TTLL11: variants seen among roughly 807,000 people sequenced by gnomAD.
TTLL11 encodes tubulin tyrosine ligase like 11.
In TTLL11, 42 loss-of-function variants were observed where a neutral mutation model predicts 51.7. The ratio of observed to expected loss-of-function variants is 0.81; its 90% CI spans 0.64 to 1.05. TTLL11 has a LOEUF of 1.05. TTLL11 is among the 50% of genes least tolerant of loss of function. TTLL11 has a pLI of 0.00. For synonymous variants in TTLL11, 381 were observed against 383.5 expected (o/e 0.99, Z 0.08); for missense variants, 799 against 940.4 (o/e 0.85, Z 1.97).
intron 6 of TTLL11, among the ~76,000 whole-genome samples, chr9:121,901,407 CT>C (rs1049694962): frequency 6.6e-6 from 1 of 152,024 alleles, no homozygotes; most frequent in African/African-American, 2.4e-5. Flanking sequence ...GTGTTCCAGG[CT>C]TAAAGTTCAT....
chr9:122,074,183 A>G (rs1588259288), intron 1 of TTLL11, among the ~76,000 whole-genome samples: 1 of 151,946 alleles, frequency 6.6e-6, no homozygotes, highest in South Asian at 2.1e-4. Flanking sequence ...CTGAGGCAGG[A>G]GAATTGCTTG....
chr9:121,962,808 G>A (rs1380238458), intron 6 of TTLL11, among the ~76,000 whole-genome samples: 3 of 152,104 alleles, frequency 2.0e-5, no homozygotes, highest in African/African-American at 7.2e-5. Flanking sequence ...TAAAGTCACC[G>A]CCTCACTGAC....
chr9:121,946,877 T>C (rs1369534203), intron 6 of TTLL11, among the ~76,000 whole-genome samples: 2 of 152,138 alleles, frequency 1.3e-5, no homozygotes, highest in African/African-American at 2.4e-5. Context: ...TTCTGGGATT[T>C]TCCAGGGTCC....
intron 3 of TTLL11, among the ~76,000 whole-genome samples, chr9:121,990,563 G>T (rs1479258284): frequency 6.6e-6 from 1 of 152,078 alleles, no homozygotes; most frequent in African/African-American, 2.4e-5. Flanking sequence ...ACCATGTCTT[G>T]GTTTCCTCAC....
chr9:122,018,038 C>T (rs12347249), intron 3 of TTLL11, among the ~76,000 whole-genome samples: 6,633 of 151,848 alleles, frequency 0.044, 173 homozygotes, highest in African/African-American at 0.073. Context: ...CTTTCACATG[C>T]CTATACTAAT....
chr9:122,076,395 G>A (rs1372553781), intron 1 of TTLL11, among the ~76,000 whole-genome samples: 2 of 152,194 alleles, frequency 1.3e-5, no homozygotes, highest in African/African-American at 2.4e-5. Flanking sequence ...ACCAAGCCAG[G>A]CCCTCTGAAA....
At chr9:121,973,464 G>C (rs557980734) in intron 6 of TTLL11, among the ~76,000 whole-genome samples, 6 of 152,300 alleles carry the variant, frequency 3.9e-5, no homozygotes, top group Admixed American at 1.3e-4. Flanking sequence ...GCAAGTGGGA[G>C]GCCTGGCCTT....
intron 6 of TTLL11, among the ~76,000 whole-genome samples, chr9:121,948,437 C>T (rs1027889336): frequency 2.6e-5 from 4 of 152,154 alleles, no homozygotes; most frequent in Admixed American, 6.5e-5. Flanking sequence ...ATTATAGAAA[C>T]GATTTGTAGG....
At chr9:121,866,940 C>T (rs961685642) in intron 7 of TTLL11, among the ~76,000 whole-genome samples, 1 of 152,106 alleles carries the variant, frequency 6.6e-6, no homozygotes, top group African/African-American at 2.4e-5. Context: ...GTCACAAAAC[C>T]TGGGTTTTCA....
chr9:122,072,172 G>A (rs777171735), intron 1 of TTLL11, among the ~76,000 whole-genome samples: 2 of 152,152 alleles, frequency 1.3e-5, no homozygotes, highest in Non-Finnish European at 2.9e-5. Context: ...TCAAGAGTTC[G>A]AGGCCAGCCT....
chr9:121,822,594 AGGGTATGTCT>A lies in TTLL11; in HGVS notation c.2116_2125del (p.Arg706CysfsTer71), dbSNP rs1382457634. On this transcript the variant is annotated frameshift_variant, in exon 9 of 9. Coordinates refer to ENST00000321582, the MANE Select transcript of TTLL11 (RefSeq NM_001139442.2). LOFTEE classifies it high-confidence loss of function. This position sits in a 1 kb window ranked among gnomAD's most constrained non-coding sequence, Gnocchi z 5.8. The stretch of plus-strand genomic sequence containing the variant: ...AGGAGGACAGAGTGGCCCTCAGGAC[AGGGTATGTCT>A]GGGATGGGAGAGCTTATTGGCACAG... The A allele has an allele frequency of 6.9e-7, 1 of 1,454,102 alleles. No individual in the cohort carries two copies. The highest frequency in any genetic ancestry group is 2.6e-5 in the East Asian group (1 of 39,196). 90.1% of individuals were successfully genotyped at this position (1,454,102 alleles called of 1,614,324 possible).
chr9:122,014,843 A>G (rs1843917454), intron 3 of TTLL11, among the ~76,000 whole-genome samples: 2 of 152,106 alleles, frequency 1.3e-5, no homozygotes, highest in African/African-American at 4.8e-5. Context: ...AGACCCTATA[A>G]ATGTCCAACT....
intron 4 of TTLL11, among the ~76,000 whole-genome samples, chr9:121,975,575 C>G (rs991223510): frequency 6.6e-6 from 1 of 152,002 alleles, no homozygotes; most frequent in Admixed American, 6.6e-5. Context: ...AGCTGGGTGT[C>G]GTGGCGCGAA....
intron 2 of TTLL11, 90 bp from the exon 3 acceptor site, chr9:122,031,946 C>G: frequency 6.7e-7 from 1 of 1,481,628 alleles, no homozygotes; most frequent in East Asian, 2.3e-5. Flanking sequence ...ACCACCCACC[C>G]GACATATTCT....
At chr9:121,841,364 C>T (rs1354493493) in intron 8 of TTLL11, among the ~76,000 whole-genome samples, 2 of 152,148 alleles carry the variant, frequency 1.3e-5, no homozygotes, top group Non-Finnish European at 2.9e-5. Flanking sequence ...AGAACAGAAC[C>T]GTGCTCCCCA....
rs150814665 is a variant in TTLL11 at position 121,948,167 on chromosome 9, AGAG to A, written c.1481+25839_1481+25841del. Among the ~76,000 whole-genome samples the A allele has an allele frequency of 7.7e-3, 1,167 of 152,256 alleles. 41 individuals are homozygous for A. Among genetic ancestry groups the A allele is most frequent in the Admixed American group, 0.063 (956 of 15,284 alleles). ...GTGGCTCCAATCATCCCTATTTTAC[AGAG>A]GAGAACATAGAGATGTAGATAGCTG... On this transcript the variant is annotated intron_variant, in intron 6 of 8. Transcript: ENST00000321582.
intron 8 of TTLL11, among the ~76,000 whole-genome samples, chr9:121,859,127 A>AT (rs5900499): frequency 0.73 from 110,268 of 152,056 alleles, 40,215 homozygotes; most frequent in Middle Eastern, 0.81. Flanking sequence ...GGAAATATGC[A>AT]TGAAAGGACC....
At chr9:122,021,910 T>C (rs960507347) in intron 3 of TTLL11, among the ~76,000 whole-genome samples, 2 of 152,192 alleles carry the variant, frequency 1.3e-5, no homozygotes, top group African/African-American at 4.8e-5. Flanking sequence ...TGAGAGTGAT[T>C]ATAATGCATT....
At chr9:121,982,524 C>T (rs1242043633) in intron 4 of TTLL11, among the ~76,000 whole-genome samples, 1 of 152,036 alleles carries the variant, frequency 6.6e-6, no homozygotes, top group Non-Finnish European at 1.5e-5. Context: ...CAAGACCAGC[C>T]TCACCAACAT....
Sources: allele counts gnomAD v4.1 joint callset (sites outside exome capture counted in the v4.1 genomes callset), GRCh38; gene constraint gnomAD v4.1.1; non-coding constraint Gnocchi (gnomAD v3.1); transcripts MANE v1.5; gene names NCBI Gene and HGNC (gene_info 2026-07-23, HGNC 2026-07-21).